GALNT1: variants seen among roughly 807,000 people sequenced by gnomAD.
GALNT1 encodes polypeptide N-acetylgalactosaminyltransferase 1, also known as GalNAc transferase 1.
GALNT1 carries 17 observed loss-of-function variants against 65.7 expected under a neutral mutation model. That is an observed-to-expected ratio of 0.26 (90% CI 0.18 to 0.39). GALNT1 has a LOEUF of 0.39. GALNT1 is among the 10% of genes least tolerant of loss of function. GALNT1 has a pLI of 1.00. For missense variants in GALNT1, 460 were observed against 672.8 expected (o/e 0.68, Z 3.50); for synonymous variants, 210 against 219.7 (o/e 0.96, Z 0.39).
At chr18:35,602,955 T>A (rs2046600407) in intron 1 of GALNT1, among the ~76,000 whole-genome samples, 1 of 152,226 alleles carries the variant, frequency 6.6e-6, no homozygotes. Flanking sequence ...GGTTTTTTAT[T>A]CCAGTCTTCT....
intron 1 of GALNT1, among the ~76,000 whole-genome samples, chr18:35,590,304 TTA>T (rs1177769933): frequency 6.6e-6 from 1 of 152,212 alleles, no homozygotes; most frequent in Non-Finnish European, 1.5e-5. Flanking sequence ...TTATAAATCG[TTA>T]TGAGACTCCT....
At position 35,654,556 on chromosome 18, in the gene GALNT1, A is replaced by T; in HGVS notation, c.-103-4A>T. 1 of 471,738 alleles carries T rather than the reference A, an allele frequency of 2.1e-6. No homozygotes were observed. Among genetic ancestry groups the T allele is most frequent in the Non-Finnish European group, 3.2e-6 (1 of 312,948 alleles). 29.2% of individuals were successfully genotyped at this position (471,738 alleles called of 1,614,324 possible). On this transcript the variant is annotated splice_region_variant and splice_polypyrimidine_tract_variant and intron_variant, in intron 1 of 11. Coordinates refer to ENST00000269195, the MANE Select transcript of GALNT1 (RefSeq NM_020474.4). ...TTAATCTTTTTTCCTTTCTTTCTCTATAGGGTATGAACGTGATTTCTGATG... is the reference window on the plus strand; with the variant it reads ...TTAATCTTTTTTCCTTTCTTTCTCTTTAGGGTATGAACGTGATTTCTGATG...
chr18:35,710,546 G>A lies in GALNT1; in HGVS notation c.*776G>A, dbSNP rs1197670567. 2 of 152,108 alleles carry A rather than the reference G, an allele frequency of 1.3e-5. No individual in the cohort carries two copies. Among genetic ancestry groups the A allele is most frequent in the Non-Finnish European group, 2.9e-5 (2 of 68,002 alleles). 9.4% of individuals were successfully genotyped at this position (152,108 alleles called of 1,614,324 possible). ...TTTTTGTTTGGTTTGTGGGCTGTTG[G>A]AATTGTAATTTTTAATTGCCTTCTA... is the stretch of plus-strand genomic sequence containing the variant. On this transcript the variant is annotated 3_prime_UTR_variant, in exon 12 of 12. Transcript: ENST00000269195.
At chr18:35,681,975 TATA>T (rs2047793409) in intron 4 of GALNT1, among the ~76,000 whole-genome samples, 1 of 152,110 alleles carries the variant, frequency 6.6e-6, no homozygotes, top group African/African-American at 2.4e-5. Flanking sequence ...AGATAAAATA[TATA>T]ATGAGACTAG....
intron 1 of GALNT1, among the ~76,000 whole-genome samples, chr18:35,591,412 A>G (rs1421030995): frequency 6.6e-6 from 1 of 152,228 alleles, no homozygotes; most frequent in East Asian, 1.9e-4. Context: ...CTCTGGCCAT[A>G]TACCAAGCAC....
rs2048204876 is a variant in GALNT1, at chr18:35,703,623, C to T, written c.1513C>T (p.Leu505Phe). The T allele has an allele frequency of 1.2e-6, 2 of 1,613,842 alleles. No homozygotes were observed. The highest frequency in any genetic ancestry group is 1.7e-5 in the Admixed American group (1 of 60,002). The change falls in exon 11 of 12, where the codon CTC (leucine) becomes TTC (phenylalanine). Residue 505 changes from leucine (L) to phenylalanine (F), a missense_variant. Coordinates refer to ENST00000269195, the MANE Select transcript of GALNT1 (RefSeq NM_020474.4). ...LKCHHLKGNQ[L>F]WEYDPVKLTL... ...ATGCCACCACCTAAAAGGCAACCAA[C>T]TCTGGGAGTATGACCCAGTGGTAAG...
At chr18:35,632,882 C>T (rs1269405595) in intron 1 of GALNT1, among the ~76,000 whole-genome samples, 7 of 152,084 alleles carry the variant, frequency 4.6e-5, no homozygotes, top group South Asian at 2.1e-4. Context: ...AACAAGTGGG[C>T]GAAGGATATG....
chr18:35,612,456 G>T (rs1240551520), intron 1 of GALNT1, among the ~76,000 whole-genome samples: 1 of 152,142 alleles, frequency 6.6e-6, no homozygotes, highest in Non-Finnish European at 1.5e-5. Context: ...AGCCTATCGT[G>T]TTTATTTTTA....
chr18:35,617,105 C>T (rs888491864), intron 1 of GALNT1, among the ~76,000 whole-genome samples: 1 of 151,860 alleles, frequency 6.6e-6, no homozygotes, highest in Non-Finnish European at 1.5e-5. Context: ...TCAGACAGCT[C>T]CCCCCTCCAT....
intron 1 of GALNT1, among the ~76,000 whole-genome samples, chr18:35,613,091 A>G (rs1598784009): frequency 6.6e-6 from 1 of 152,138 alleles, no homozygotes; most frequent in Admixed American, 6.5e-5. Context: ...CTTTCTTTCC[A>G]TTGCAATACC....
intron 8 of GALNT1, 27 bp downstream of exon 8, chr18:35,691,219 C>G: frequency 6.4e-7 from 1 of 1,562,828 alleles, no homozygotes; most frequent in East Asian, 2.2e-5. Flanking sequence ...ATTAGAAATA[C>G]AAGGCTGTAC....
chr18:35,603,698 C>CATGAT (rs2046609940), intron 1 of GALNT1, among the ~76,000 whole-genome samples: 1 of 152,098 alleles, frequency 6.6e-6, no homozygotes, highest in Non-Finnish European at 1.5e-5. Flanking sequence ...TTCTCTTCTT[C>CATGAT]CCCACTGTGT....
rs143091002 is a variant in GALNT1, at chr18:35,617,060, G to A, written c.-104+35198G>A. Among the ~76,000 whole-genome samples, 663 of 152,016 alleles carry A rather than the reference G, an allele frequency of 4.4e-3. 2 individuals are homozygous for A. The highest frequency in any genetic ancestry group is 7.6e-3 in the Admixed American group (116 of 15,234). On this transcript the variant is annotated intron_variant, in intron 1 of 11. Coordinates refer to ENST00000269195, the MANE Select transcript of GALNT1 (RefSeq NM_020474.4). ...CCTTCCCCATTTGAGCAGCAGTGAC[G>A]GGTGAATGTAATGCAAGCGGCGCAT...
chr18:35,626,494 T>C (rs1355637570), intron 1 of GALNT1, among the ~76,000 whole-genome samples: 1 of 152,190 alleles, frequency 6.6e-6, no homozygotes, highest in East Asian at 1.9e-4. Context: ...CTCCACTGAT[T>C]TGTATCTTCA....
chr18:35,636,526 C>G (rs143022340), intron 1 of GALNT1, among the ~76,000 whole-genome samples: 13 of 152,308 alleles, frequency 8.5e-5, no homozygotes, highest in African/African-American at 3.1e-4. Context: ...CTTGATGTTT[C>G]TTTGCCTGTC....
At chr18:35,663,926 C>A in intron 3 of GALNT1, 124 bp downstream of exon 3, 1 of 797,014 alleles carries the variant, frequency 1.3e-6, no homozygotes, top group Non-Finnish European at 2.0e-6. Context: ...ACTACTTACC[C>A]CACTTAGAAA....
In GALNT1 at chr18:35,663,716, AGAG is replaced by A; in HGVS notation, c.229_231del (p.Glu77del). 6.2e-7 allele frequency: 1 copy of A among 1,614,062 alleles called. No homozygotes were observed. Among genetic ancestry groups the A allele is most frequent in the Non-Finnish European group, 8.5e-7 (1 of 1,179,928 alleles). On this transcript the variant is annotated inframe_deletion, in exon 3 of 12. Coordinates refer to ENST00000269195, the MANE Select transcript of GALNT1 (RefSeq NM_020474.4). ...CTAAAGAGGATCAAGAAAAGATGAA[AGAG>A]ATGTTTAAAATCAATCAGTTCAATT...
Position 35,691,134 on chromosome 18 carries a change from A to G in GALNT1, c.1101A>G (p.Arg367=), listed in dbSNP as rs2047954691. The change falls in exon 8 of 12, where the codon AGA becomes AGG. Residue 367 remains arginine (R), a synonymous_variant. Transcript: ENST00000269195. ...GTGQIINKNN[R]RLAEVWMDEF... is the part of the protein sequence containing the mutation. ...GGCAGATTATCAATAAAAATAACAG[A>G]CGACTTGCAGAAGTGTGGATGGATG... 1 of 1,612,650 alleles carries G rather than the reference A, an allele frequency of 6.2e-7. No individual in the cohort carries two copies. The highest frequency in any genetic ancestry group is 1.1e-5 in the South Asian group (1 of 90,806).
chr18:35,606,822 TG>T (rs1277828669), intron 1 of GALNT1, among the ~76,000 whole-genome samples: 7 of 3,696 alleles, frequency 1.9e-3, no homozygotes, highest in Non-Finnish European at 1.2e-3. Context: ...GTTGATGTTT[TG>T]TGTGTGTGTG....
Sources: gnomAD v4.1 joint callset for allele counts (sites outside exome capture counted in the v4.1 genomes callset) on GRCh38, gnomAD v4.1.1 for gene constraint, MANE v1.5 for transcripts, NCBI Gene and HGNC (gene_info 2026-07-23, HGNC 2026-07-21) for gene names.